The following COL22A1 variants were observed in gnomAD, a reference collection of about 807,000 sequenced individuals.
The protein encoded by COL22A1 is collagen type XXII alpha 1 chain.
A neutral mutation model predicts 248.9 loss-of-function variants in COL22A1; 221 were observed. That is an observed-to-expected ratio of 0.89 (90% CI 0.80 to 0.99). COL22A1 has a LOEUF of 0.99. Among genes scored for constraint, COL22A1 ranks in the 50% least tolerant of loss-of-function variants. The pLI is 0.00. For synonymous variants in COL22A1, 891 were observed against 793.4 expected, an observed-to-expected ratio of 1.12 and a Z score of -2.07; for missense variants, 2,240 against 2,179.0, an observed-to-expected ratio of 1.03 and a Z score of -0.56.
chr8:138,688,335 A>G (rs1047125614), intron 37 of COL22A1, among the ~76,000 whole-genome samples: 3 of 152,098 alleles, frequency 2.0e-5, no homozygotes, highest in African/African-American at 7.2e-5. Flanking sequence ...AGCCTGAGCA[A>G]CATGGTAAAA....
chr8:138,867,509 T>C (rs1822989487), intron 3 of COL22A1, among the ~76,000 whole-genome samples: 1 of 152,146 alleles, frequency 6.6e-6, no homozygotes, highest in Non-Finnish European at 1.5e-5. Flanking sequence ...TTGGGAACTA[T>C]CATTTCAGAT....
Position 138,639,629 on chromosome 8 carries a change from CTTGTTA to C in COL22A1, c.3502-2840_3502-2835del, listed in dbSNP as rs372756108. Among the ~76,000 whole-genome samples the C allele has an allele frequency of 4.7e-3, 723 of 152,248 alleles. 6 individuals carry two copies. Among genetic ancestry groups the C allele is most frequent in the African/African-American group, 0.016 (646 of 41,540 alleles). ...TACTGAAAACACTTACTTTTGAAAACTTGTTATTGTTAGTTTTTTTTTAGGGGGGGT... is the reference window on the plus strand; with the variant it reads ...TACTGAAAACACTTACTTTTGAAAACTTGTTAGTTTTTTTTTAGGGGGGGT... On this transcript the variant is annotated intron_variant, in intron 47 of 64. Coordinates refer to ENST00000303045, the MANE Select transcript of COL22A1 (RefSeq NM_152888.3).
At chr8:138,762,739 C>T (rs926303160) in intron 16 of COL22A1, among the ~76,000 whole-genome samples, 1 of 140,352 alleles carries the variant, frequency 7.1e-6, no homozygotes, top group Non-Finnish European at 1.6e-5. Context: ...CTTCTGTGAG[C>T]CACACAGTCT....
At chr8:138,700,817 T>C (rs1827898460) in intron 31 of COL22A1, among the ~76,000 whole-genome samples, 1 of 151,978 alleles carries the variant, frequency 6.6e-6, no homozygotes, top group Non-Finnish European at 1.5e-5. Flanking sequence ...ACCCAGTCTC[T>C]ACTAAAAAAT....
At chr8:138,658,371 A>G (rs886384085) in intron 44 of COL22A1, among the ~76,000 whole-genome samples, 3 of 152,168 alleles carry the variant, frequency 2.0e-5, no homozygotes, top group Non-Finnish European at 4.4e-5. Flanking sequence ...TAATGCTAAC[A>G]ATATGATTTA....
chr8:138,890,193 A>G (rs1347815033), intron 1 of COL22A1, among the ~76,000 whole-genome samples: 1 of 152,070 alleles, frequency 6.6e-6, no homozygotes, highest in Admixed American at 6.5e-5. Context: ...GCACCCTTTC[A>G]TGATAAAAAA....
At chr8:138,758,131 T>C (rs1296036691) in intron 18 of COL22A1, among the ~76,000 whole-genome samples, 1 of 152,140 alleles carries the variant, frequency 6.6e-6, no homozygotes, top group Non-Finnish European at 1.5e-5. Context: ...GAGAAGCCCA[T>C]GTAAAAGGGA....
At chr8:138,865,467 TG>T (rs1211913005) in intron 3 of COL22A1, among the ~76,000 whole-genome samples, 22 of 151,622 alleles carry the variant, frequency 1.5e-4, no homozygotes, top group African/African-American at 5.3e-4. Flanking sequence ...AGTGTATGTG[TG>T]TATCTTATGT....
intron 16 of COL22A1, among the ~76,000 whole-genome samples, chr8:138,774,919 T>G (rs967124583): frequency 1.3e-5 from 2 of 152,170 alleles, no homozygotes; most frequent in Non-Finnish European, 2.9e-5. Flanking sequence ...CAGGATGATG[T>G]GGCTGTGGAG....
At chr8:138,702,017 A>T (rs2130986038) in intron 31 of COL22A1, among the ~76,000 whole-genome samples, 1 of 152,356 alleles carries the variant, frequency 6.6e-6, no homozygotes, top group Admixed American at 6.5e-5. Context: ...TTTTATTGTC[A>T]TAAGTGATAC....
intron 60 of COL22A1, among the ~76,000 whole-genome samples, chr8:138,599,510 C>T (rs1817829929): frequency 6.6e-6 from 1 of 151,806 alleles, no homozygotes; most frequent in Non-Finnish European, 1.5e-5. Flanking sequence ...CAAAACAAAA[C>T]AAAAACATGG....
chr8:138,684,456 G>T lies in COL22A1; in HGVS notation c.2981C>A (p.Ser994Ter). 1 of 1,610,670 alleles carries T rather than the reference G, an allele frequency of 6.2e-7. No homozygotes were observed. The highest frequency in any genetic ancestry group is 8.5e-7 in the Non-Finnish European group (1 of 1,176,910). The stretch of plus-strand genomic sequence containing the variant: ...TCCTAGGGGTCCAGGGAGTCCAGGT[G>T]ATCCACGGAGTCCCTGGAGAAATAA... Reference protein sequence around the residue: ...GKDGEPGLRGSPGLPGPLGTK... With the variant: ...GKDGEPGLRG The change falls in exon 39 of 65, where the codon TCA becomes TAA. Residue 994 changes from serine (S) to a stop codon, truncating the protein, a stop_gained. Transcript: ENST00000303045. LOFTEE classifies it high-confidence loss of function.
At chr8:138,670,460 T>C (rs1824920269) in intron 41 of COL22A1, among the ~76,000 whole-genome samples, 1 of 152,146 alleles carries the variant, frequency 6.6e-6, no homozygotes, top group African/African-American at 2.4e-5. Context: ...AAATGCCCAG[T>C]GTTCCCAAGT....
intron 1 of COL22A1, among the ~76,000 whole-genome samples, chr8:138,901,887 G>A (rs1289903825): frequency 2.6e-5 from 4 of 152,010 alleles, no homozygotes; most frequent in Non-Finnish European, 5.9e-5. Flanking sequence ...ATGGGAAGAG[G>A]GGCTGTGCTG....
At chr8:138,753,498 A>G (rs1014088470) in intron 21 of COL22A1, among the ~76,000 whole-genome samples, 1 of 152,218 alleles carries the variant, frequency 6.6e-6, no homozygotes, top group Non-Finnish European at 1.5e-5. Context: ...TCAGGCTAAG[A>G]TATCCTGAAT....
At chr8:138,744,372 C>G (rs548567370) in intron 22 of COL22A1, among the ~76,000 whole-genome samples, 5 of 152,168 alleles carry the variant, frequency 3.3e-5, no homozygotes, top group African/African-American at 1.2e-4. Context: ...TCCTATCGGA[C>G]AGGCATGGTC....
Position 138,842,941 on chromosome 8 carries a change from G to T in COL22A1, c.733+1143C>A, listed in dbSNP as rs569067350. 4.6e-5 allele frequency among the ~76,000 whole-genome samples: 7 copies of T among 152,282 alleles called. No individual in the cohort carries two copies. The South Asian group carries it at 1.5e-3, about 32-fold the overall frequency. ...AGCAGGGAGTAGAGGCAGGATTCAG[G>T]GAAAGAAAGCAGCTGATAGAGTATG... On this transcript the variant is annotated intron_variant, in intron 4 of 64. Coordinates refer to ENST00000303045, the MANE Select transcript of COL22A1 (RefSeq NM_152888.3).
At chr8:138,747,534 G>A (rs932143794) in intron 22 of COL22A1, among the ~76,000 whole-genome samples, 3 of 152,116 alleles carry the variant, frequency 2.0e-5, no homozygotes, top group African/African-American at 7.2e-5. Context: ...CCTGCCCCAG[G>A]ACCTCTGCCT....
chr8:138,752,361 T>G (rs937044469), intron 21 of COL22A1, among the ~76,000 whole-genome samples: 6 of 152,266 alleles, frequency 3.9e-5, no homozygotes, highest in African/African-American at 1.4e-4. Context: ...TTCATAATTA[T>G]CATACTAATA....
Sources: allele counts gnomAD v4.1 joint callset (sites outside exome capture counted in the v4.1 genomes callset), GRCh38; gene constraint gnomAD v4.1.1; transcripts MANE v1.5; gene names NCBI Gene and HGNC (gene_info 2026-07-23, HGNC 2026-07-21).